The following LINGO2 variants were observed in gnomAD, a reference collection of about 807,000 sequenced individuals.
LINGO2 encodes leucine rich repeat and Ig domain containing 2.
A neutral mutation model predicts 30.6 loss-of-function variants in LINGO2; 14 were observed. That is an observed-to-expected ratio of 0.46 (90% CI 0.30 to 0.72). The LOEUF is 0.72. Ranked by LOEUF, LINGO2 falls within the 30% of genes least tolerant of loss-of-function variation. The probability of loss-of-function intolerance (pLI) is 0.07; values close to 1 mark genes in which losing one functional copy is unlikely to be tolerated. For synonymous variants in LINGO2, 317 were observed against 288.5 expected, an observed-to-expected ratio of 1.10 and a Z score of -1.00; for missense variants, 729 against 751.7, an observed-to-expected ratio of 0.97 and a Z score of 0.35.
intron 4 of LINGO2, among the ~76,000 whole-genome samples, chr9:28,175,130 A>G (rs184184004): frequency 6.6e-6 from 1 of 152,260 alleles, no homozygotes; most frequent in Non-Finnish European, 1.5e-5. Flanking sequence ...GGAAGCTTAC[A>G]CAATCATTAG....
chr9:28,885,356 T>TACACACACAC, the LINGO2 span, among the ~76,000 whole-genome samples: 16,478 of 132,670 alleles, frequency 0.12, 1,144 homozygotes, highest in Non-Finnish European at 0.15. Context: ...GAGATATATA[T>TACACACACAC]ATATACACAC....
intron 1 of LINGO2, among the ~76,000 whole-genome samples, chr9:28,563,350 G>A (rs904921687): frequency 7.2e-5 from 11 of 152,134 alleles, no homozygotes; most frequent in Non-Finnish European, 1.2e-4. Context: ...CAATTGTAAC[G>A]ACAAATCTAG....
At chr9:29,005,341 T>C in the LINGO2 span, among the ~76,000 whole-genome samples, 1 of 151,562 alleles carries the variant, frequency 6.6e-6, no homozygotes, top group African/African-American at 2.4e-5. Context: ...ACACACAACA[T>C]ATGGGAAAAC....
chr9:28,306,049 C>G (rs955456973), intron 3 of LINGO2, among the ~76,000 whole-genome samples: 1 of 151,934 alleles, frequency 6.6e-6, no homozygotes, highest in African/African-American at 2.4e-5. Context: ...CCAAGCCAAA[C>G]CAATCAGGAT....
At chr9:28,535,861 C>T (rs912715450) in intron 1 of LINGO2, among the ~76,000 whole-genome samples, 8 of 152,068 alleles carry the variant, frequency 5.3e-5, no homozygotes, top group Non-Finnish European at 8.8e-5. Context: ...ATAATCTTGA[C>T]GTTTCAGAGG....
the LINGO2 span, among the ~76,000 whole-genome samples, chr9:28,815,168 A>G: frequency 6.6e-6 from 1 of 152,246 alleles, no homozygotes; most frequent in African/African-American, 2.4e-5. Context: ...AGGTTGAGAA[A>G]TAAGTGAAGA....
At chr9:28,242,288 C>A (rs762794184) in intron 4 of LINGO2, among the ~76,000 whole-genome samples, 2 of 151,966 alleles carry the variant, frequency 1.3e-5, no homozygotes, top group Non-Finnish European at 2.9e-5. Flanking sequence ...AAATGACCAA[C>A]GGAGCTGAAA....
chr9:27,955,935 C>CCT (rs1819540643), intron 5 of LINGO2, among the ~76,000 whole-genome samples: 1 of 106,772 alleles, frequency 9.4e-6, no homozygotes. Context: ...TGGATACTGA[C>CCT]TTTTTTTTTT....
the LINGO2 span, among the ~76,000 whole-genome samples, chr9:29,014,138 T>C: frequency 2.3e-4 from 35 of 152,206 alleles, no homozygotes; most frequent in Non-Finnish European, 3.5e-4. Context: ...TATAGAGGTC[T>C]ATGTTTATTA....
chr9:28,685,064 C>CCT, the LINGO2 span, among the ~76,000 whole-genome samples: 1 of 152,140 alleles, frequency 6.6e-6, no homozygotes, highest in East Asian at 1.9e-4. Flanking sequence ...CCACTTATAA[C>CCT]TGAGAACATG....
At chr9:29,127,574 C>G in the LINGO2 span, among the ~76,000 whole-genome samples, 2 of 152,086 alleles carry the variant, frequency 1.3e-5, no homozygotes, top group South Asian at 4.1e-4. Context: ...TGTGGAAGCA[C>G]CTGACCATCA....
intron 5 of LINGO2, among the ~76,000 whole-genome samples, chr9:27,957,643 C>T (rs1036991882): frequency 2.7e-5 from 4 of 150,762 alleles, no homozygotes; most frequent in Admixed American, 2.6e-4. Context: ...TGGTGTTGTT[C>T]ATCCAATTTT....
the LINGO2 span, among the ~76,000 whole-genome samples, chr9:29,211,790 G>C: frequency 6.6e-6 from 1 of 152,002 alleles, no homozygotes; most frequent in Non-Finnish European, 1.5e-5. Context: ...GGCTCAAAGC[G>C]GGCACAGCAG....
chr9:28,607,651 G>A (rs1169907650), intron 1 of LINGO2, among the ~76,000 whole-genome samples: 2 of 151,952 alleles, frequency 1.3e-5, no homozygotes, highest in African/African-American at 4.8e-5. Flanking sequence ...CCACCAGCCA[G>A]CCTGCCTTTC....
In LINGO2 at chr9:28,282,592, G is replaced by A. The variant is rs183756319; in HGVS notation, c.-87+12616C>T. ...ATTTTTCAAATAAAAAGTATCATAA[G>A]TTATCTTAGACCCTGTACTAGGCTA... is the stretch of plus-strand genomic sequence containing the variant. On this transcript the variant is annotated intron_variant, in intron 4 of 5. Coordinates refer to ENST00000379992, the Ensembl canonical transcript of LINGO2. Among the ~76,000 whole-genome samples, 193 of 152,204 alleles carry A rather than the reference G, an allele frequency of 1.3e-3. 1 individual carries two copies. Among genetic ancestry groups the A allele is most frequent in the African/African-American group, 4.3e-3 (179 of 41,550 alleles).
chr9:28,209,953 T>C (rs942138621), intron 4 of LINGO2, among the ~76,000 whole-genome samples: 2 of 151,946 alleles, frequency 1.3e-5, no homozygotes, highest in Middle Eastern at 3.4e-3. Context: ...CTTATCTCCT[T>C]AGCTTTAGGG....
At chr9:28,588,408 C>A (rs1001990701) in intron 1 of LINGO2, among the ~76,000 whole-genome samples, 1 of 151,760 alleles carries the variant, frequency 6.6e-6, no homozygotes, top group Non-Finnish European at 1.5e-5. Context: ...AGTAGGATAA[C>A]AATGGTGTAA....
intron 4 of LINGO2, among the ~76,000 whole-genome samples, chr9:28,047,399 A>G (rs1824475123): frequency 6.6e-6 from 1 of 151,466 alleles, no homozygotes; most frequent in Admixed American, 6.6e-5. Flanking sequence ...TTCATATTCA[A>G]ACAGATAGTG....
At chr9:29,038,981 C>G in the LINGO2 span, among the ~76,000 whole-genome samples, 1 of 152,130 alleles carries the variant, frequency 6.6e-6, no homozygotes, top group Non-Finnish European at 1.5e-5. Flanking sequence ...GCACATTAGT[C>G]AGGTACCAAT....
Sources: gnomAD v4.1 joint callset for allele counts (sites outside exome capture counted in the v4.1 genomes callset) on GRCh38, gnomAD v4.1.1 for gene constraint, MANE v1.5 for transcripts, NCBI Gene and HGNC (gene_info 2026-07-23, HGNC 2026-07-21) for gene names.